Variants in ILDR2 observed in about 807,000 individuals in gnomAD.
ILDR2 encodes the protein immunoglobulin like domain containing receptor 2.
A neutral mutation model predicts 66.8 loss-of-function variants in ILDR2; 25 were observed. The observed-to-expected ratio is 0.37, with a 90% CI of 0.27 to 0.52. The LOEUF (loss-of-function observed/expected upper bound fraction) is 0.52. ILDR2 is among the 20% of genes least tolerant of loss of function. The pLI, the probability that ILDR2 is intolerant of heterozygous loss-of-function variation, is 0.88. For missense variants in ILDR2, 827 were observed against 876.8 expected (o/e 0.94, Z 0.72); for synonymous variants, 367 against 357.2 (o/e 1.03, Z -0.31).
intron 3 of ILDR2, among the ~76,000 whole-genome samples, chr1:166,951,405 C>T (rs1454913608): frequency 6.6e-6 from 1 of 152,162 alleles, no homozygotes; most frequent in African/African-American, 2.4e-5. Context: ...AGGACTTAGC[C>T]ATGCTTGAAG....
intron 3 of ILDR2, among the ~76,000 whole-genome samples, chr1:166,946,149 A>G (rs1661598756): frequency 6.6e-6 from 1 of 152,138 alleles, no homozygotes; most frequent in African/African-American, 2.4e-5. Flanking sequence ...AGTTGTTTCT[A>G]TGGCTATTTG....
intron 8 of ILDR2, among the ~76,000 whole-genome samples, chr1:166,922,205 C>G (rs1041722086): frequency 6.6e-6 from 1 of 151,882 alleles, no homozygotes; most frequent in African/African-American, 2.4e-5. Flanking sequence ...ATCGCTTGAG[C>G]TCAGGAGTTC....
At chr1:166,965,343 C>T (rs1662874277) in intron 1 of ILDR2, among the ~76,000 whole-genome samples, 1 of 151,848 alleles carries the variant, frequency 6.6e-6, no homozygotes, top group South Asian at 2.1e-4. Context: ...TACACATAGC[C>T]TGAGGGTAAT....
chr1:166,923,076 C>G (rs1465480852), intron 7 of ILDR2, among the ~76,000 whole-genome samples: 1 of 152,194 alleles, frequency 6.6e-6, no homozygotes, highest in Non-Finnish European at 1.5e-5. Context: ...ATTGTTGCAC[C>G]TAAGGCAGGC....
At chr1:166,896,561 T>C (rs888329642) in intron 2 of ILDR2, among the ~76,000 whole-genome samples, 2 of 151,124 alleles carry the variant, frequency 1.3e-5, no homozygotes, top group Non-Finnish European at 2.9e-5. Context: ...TATATATATA[T>C]ATATCTCATG....
In ILDR2 at chr1:166,913,643, C is replaced by T. The variant is rs556010641; in HGVS notation, c.*5712G>A. 7.2e-5 allele frequency: 11 copies of T among 152,216 alleles called. No homozygotes were observed. Among genetic ancestry groups the T allele is most frequent in the African/African-American group, 2.4e-4 (10 of 41,526 alleles). The allele number at this position is 152,216 out of a possible 1,614,324, so 9.4% of individuals were successfully genotyped here. ...TTCCTTATTCCTCTATATCTGATCC[C>T]TCTTAGTTCTACCTAAAATCTTAAA... is the stretch of plus-strand genomic sequence containing the variant. On this transcript the variant is annotated 3_prime_UTR_variant, in exon 10 of 10. Coordinates refer to ENST00000271417, the MANE Select transcript of ILDR2 (RefSeq NM_199351.3).
chr1:166,930,269 A>G (rs937610358), intron 6 of ILDR2, among the ~76,000 whole-genome samples: 2 of 152,202 alleles, frequency 1.3e-5, no homozygotes, highest in African/African-American at 4.8e-5. Context: ...CTGAAAAGTT[A>G]CAGTAACCAT....
downstream of ILDR2, chr1:166,907,895 C>T (rs1026562763): frequency 6.6e-6 from 1 of 152,122 alleles, no homozygotes; most frequent in African/African-American, 2.4e-5. Context: ...TGGTCTGAAG[C>T]TGAGATGCAA....
chr1:166,960,717 G>A (rs1189561349), intron 1 of ILDR2, among the ~76,000 whole-genome samples: 2 of 152,030 alleles, frequency 1.3e-5, no homozygotes, highest in Non-Finnish European at 2.9e-5. Context: ...CCATCAAAAG[G>A]CAAACAATTC....
chr1:166,908,140 T>G (rs1187316966), downstream of ILDR2: 1 of 152,242 alleles, frequency 6.6e-6, no homozygotes, highest in African/African-American at 2.4e-5. Flanking sequence ...GGTGGATAGG[T>G]GTCTTAGTCA....
chr1:166,928,828 T>C (rs1310141818), intron 6 of ILDR2, among the ~76,000 whole-genome samples: 1 of 152,146 alleles, frequency 6.6e-6, no homozygotes, highest in Non-Finnish European at 1.5e-5. Context: ...TGGAATTACT[T>C]AGAAAAAAAA....
At chr1:166,974,704 C>A (rs1226191295) in intron 1 of ILDR2, among the ~76,000 whole-genome samples, 2 of 152,178 alleles carry the variant, frequency 1.3e-5, no homozygotes, top group East Asian at 1.9e-4. Flanking sequence ...CAGTTCCTTG[C>A]ACCCTCCAGA....
chr1:166,975,181 G>C lies in ILDR2; in HGVS notation c.46+42C>G, dbSNP rs201304421. The C allele has an allele frequency of 2.4e-5, 36 of 1,500,638 alleles. No individual in the cohort carries two copies. In the Admixed American group the frequency reaches 4.0e-4, roughly 17 times the overall value. 93.0% of individuals were successfully genotyped at this position (1,500,638 alleles called of 1,614,324 possible). On this transcript the variant is annotated intron_variant, in intron 1 of 9. Transcript: ENST00000271417. The stretch of plus-strand genomic sequence containing the variant: ...CGCGGTGAGAACAGAACCACTACAG[G>C]AATATACAAAGTTATTCGTTTCTGT...
At position 166,916,924 on chromosome 1, in the gene ILDR2, CTA is replaced by C. The variant is rs1659665367; in HGVS notation, c.*2429_*2430del. On this transcript the variant is annotated 3_prime_UTR_variant, in exon 10 of 10. Transcript: ENST00000271417. ...TTATTTTTGGTCTCTGCAGCTGGTG[CTA>C]TGAGGCTCTTTGGTGGTGAAAAGCC... 1 of 152,204 alleles carries C rather than the reference CTA, an allele frequency of 6.6e-6. No homozygotes were observed. Among genetic ancestry groups the C allele is most frequent in the Non-Finnish European group, 1.5e-5 (1 of 68,050 alleles). The allele number at this position is 152,204 out of a possible 1,614,324, so 9.4% of individuals were successfully genotyped here. A position where few individuals can be genotyped will look rare whatever the true frequency, so the allele number is the denominator to read the frequency against.
chr1:166,902,895 T>A (rs1321938769), intron 2 of ILDR2, among the ~76,000 whole-genome samples: 1 of 152,178 alleles, frequency 6.6e-6, no homozygotes, highest in East Asian at 1.9e-4. Flanking sequence ...GACCTAGGAA[T>A]CATTTTTTTT....
At position 166,915,045 on chromosome 1, in the gene ILDR2, G is replaced by C. The variant is rs1659589406; in HGVS notation, c.*4310C>G. On this transcript the variant is annotated 3_prime_UTR_variant, in exon 10 of 10. Coordinates refer to ENST00000271417, the MANE Select transcript of ILDR2 (RefSeq NM_199351.3). ...TCTTTTCCTTCTATTCATGATTTAAGTTTTGCTAAAAATATATCAAGAGAA... is the reference window on the plus strand; with the variant it reads ...TCTTTTCCTTCTATTCATGATTTAACTTTTGCTAAAAATATATCAAGAGAA... The C allele has an allele frequency of 6.6e-6, 1 of 152,260 alleles. No homozygotes were observed. Among genetic ancestry groups the C allele is most frequent in the African/African-American group, 2.4e-5 (1 of 41,540 alleles). 9.4% of individuals were successfully genotyped at this position (152,260 alleles called of 1,614,324 possible). A position where few individuals can be genotyped will look rare whatever the true frequency, so the allele number is the denominator to read the frequency against.
At chr1:166,974,489 G>T (rs1225448671) in intron 1 of ILDR2, among the ~76,000 whole-genome samples, 1 of 152,224 alleles carries the variant, frequency 6.6e-6, no homozygotes, top group African/African-American at 2.4e-5. Context: ...CTAGACCAGT[G>T]ACTTTGATGC....
intron 1 of ILDR2, 140 bp from the exon 2 acceptor site, chr1:166,958,241 A>G: frequency 1.4e-6 from 1 of 696,174 alleles, no homozygotes; most frequent in South Asian, 1.9e-5. Flanking sequence ...AATGGCATTA[A>G]TATCCATCTG....
rs535388259 is a variant in ILDR2, at chr1:166,965,570, G to GTTTTT, written c.47-7474_47-7470dup. Among the ~76,000 whole-genome samples, 580 of 127,258 alleles carry GTTTTT rather than the reference G, an allele frequency of 4.6e-3. 21 individuals are homozygous for GTTTTT. Among genetic ancestry groups the GTTTTT allele is most frequent in the African/African-American group, 7.1e-3 (225 of 31,486 alleles). 83.5% of individuals were successfully genotyped at this position (127,258 alleles called of 152,430 possible). On this transcript the variant is annotated intron_variant, in intron 1 of 9. Coordinates refer to ENST00000271417, the MANE Select transcript of ILDR2 (RefSeq NM_199351.3). ...TTTGCCTGCCTTCAAGTTAGGTTTT[G>GTTTTT]TTTTTTTTTTTGTTTTTTTTTTGAC...
Sources: allele counts gnomAD v4.1 joint callset (sites outside exome capture counted in the v4.1 genomes callset), GRCh38; gene constraint gnomAD v4.1.1; transcripts MANE v1.5; gene names NCBI Gene and HGNC (gene_info 2026-07-23, HGNC 2026-07-21).